NELL2: variants seen among roughly 807,000 people sequenced by gnomAD.
The protein encoded by NELL2 is protein kinase C-binding protein NELL2.
Under a neutral mutation model 109.6 loss-of-function variants are expected in NELL2, and 41 were observed. That is an observed-to-expected ratio of 0.37 (90% CI 0.29 to 0.49). The LOEUF (loss-of-function observed/expected upper bound fraction) is 0.49, where lower values mean the gene tolerates loss of function less well. NELL2 is among the 20% of genes least tolerant of loss of function. The probability of loss-of-function intolerance (pLI) is 0.98; values close to 1 mark genes in which losing one functional copy is unlikely to be tolerated. For synonymous variants in NELL2, 355 were observed against 344.7 expected (o/e 1.03, Z -0.33); for missense variants, 900 against 1,008.3 (o/e 0.89, Z 1.45).
At chr12:44,518,535 G>A (rs1036221285) in intron 19 of NELL2, among the ~76,000 whole-genome samples, 2 of 152,134 alleles carry the variant, frequency 1.3e-5, no homozygotes, top group African/African-American at 4.8e-5. Flanking sequence ...GTGAGCCACC[G>A]TGCCCGGCCT....
At chr12:44,528,067 C>T (rs1251303109) in intron 16 of NELL2, among the ~76,000 whole-genome samples, 47 of 126,628 alleles carry the variant, frequency 3.7e-4, no homozygotes, top group Non-Finnish European at 6.9e-4. Context: ...CACTGCACTC[C>T]AGCCTGGGCG....
chr12:44,745,108 A>G (rs1940253211), intron 9 of NELL2, among the ~76,000 whole-genome samples: 1 of 152,222 alleles, frequency 6.6e-6, no homozygotes, highest in African/African-American at 2.4e-5. Flanking sequence ...ATCCACCATA[A>G]TCGAGTGGGC....
chr12:44,861,741 C>A (rs1448163128), intron 2 of NELL2, among the ~76,000 whole-genome samples: 1 of 152,228 alleles, frequency 6.6e-6, no homozygotes. Context: ...ATCAGTGAGT[C>A]CAGGCAACAG....
intron 15 of NELL2, among the ~76,000 whole-genome samples, chr12:44,595,333 T>C (rs1944914038): frequency 6.6e-6 from 1 of 152,190 alleles, no homozygotes; most frequent in Admixed American, 6.5e-5. Context: ...TTTTAAAAGC[T>C]GCTAAGGCAA....
intron 13 of NELL2, among the ~76,000 whole-genome samples, chr12:44,616,483 A>G (rs899636110): frequency 3.3e-5 from 5 of 152,292 alleles, no homozygotes; most frequent in African/African-American, 1.2e-4. Flanking sequence ...AGTCGTAACT[A>G]TCATTTGATT....
intron 12 of NELL2, among the ~76,000 whole-genome samples, chr12:44,695,764 T>A (rs1949044354): frequency 6.6e-6 from 1 of 151,992 alleles, no homozygotes; most frequent in Non-Finnish European, 1.5e-5. Context: ...ATCATATATA[T>A]GACCAGCCTA....
chr12:44,680,271 T>A (rs1948453915), intron 12 of NELL2, among the ~76,000 whole-genome samples: 2 of 152,132 alleles, frequency 1.3e-5, no homozygotes, highest in Non-Finnish European at 2.9e-5. Flanking sequence ...CTGGATTGCA[T>A]TGTTAGTTTT....
chr12:44,681,280 T>A (rs961329730), intron 12 of NELL2, among the ~76,000 whole-genome samples: 4 of 130,796 alleles, frequency 3.1e-5, no homozygotes, highest in Non-Finnish European at 6.0e-5. Flanking sequence ...ACTAGTTTTG[T>A]TTTTTTTTTA....
At chr12:44,777,505 C>T (rs1267711489) in intron 5 of NELL2, among the ~76,000 whole-genome samples, 191 bp from the exon 6 acceptor site, 1 of 152,132 alleles carries the variant, frequency 6.6e-6, no homozygotes, top group Non-Finnish European at 1.5e-5. Flanking sequence ...TAGATGATTA[C>T]CCATGTATTC....
Position 44,687,996 on chromosome 12 carries a change from T to C in NELL2, c.1318+15730A>G, listed in dbSNP as rs186391859. Reference sequence around the variant, plus strand: ...GAATTGCTTAATTCTAAGCAATTTCTCTCTAATATTAATAAACAACTTCAT... The same window carrying C: ...GAATTGCTTAATTCTAAGCAATTTCCCTCTAATATTAATAAACAACTTCAT... On this transcript the variant is annotated intron_variant, in intron 12 of 19. Transcript: ENST00000429094. Among the ~76,000 whole-genome samples, 236 of 152,310 alleles carry C rather than the reference T, an allele frequency of 1.5e-3. 3 individuals carry two copies. Among genetic ancestry groups the C allele is most frequent in the African/African-American group, 5.2e-3 (216 of 41,568 alleles).
At chr12:44,587,832 A>C (rs1206175805) in intron 15 of NELL2, among the ~76,000 whole-genome samples, 1 of 152,112 alleles carries the variant, frequency 6.6e-6, no homozygotes, top group Admixed American at 6.5e-5. Flanking sequence ...AATTAGCAAA[A>C]TTTTTGGATT....
chr12:44,576,303 T>C (rs1944081275), intron 15 of NELL2, among the ~76,000 whole-genome samples: 2 of 152,328 alleles, frequency 1.3e-5, no homozygotes, highest in African/African-American at 4.8e-5. Context: ...TATCTGCAAA[T>C]TATCAGTGGG....
At chr12:44,702,024 C>T (rs1259705374) in intron 12 of NELL2, among the ~76,000 whole-genome samples, 2 of 152,082 alleles carry the variant, frequency 1.3e-5, no homozygotes, top group Non-Finnish European at 2.9e-5. Context: ...CACTTAGAGC[C>T]TTTCCACTTT....
chr12:44,909,778 C>T (rs910380782), intron 1 of NELL2, among the ~76,000 whole-genome samples: 13 of 146,288 alleles, frequency 8.9e-5, no homozygotes, highest in Non-Finnish European at 1.5e-4. Flanking sequence ...CATATATATA[C>T]ACACACACAG....
intron 3 of NELL2, among the ~76,000 whole-genome samples, chr12:44,813,302 G>A (rs1943238898): frequency 6.6e-6 from 1 of 152,126 alleles, no homozygotes; most frequent in East Asian, 1.9e-4. Context: ...CTCAGCAAAT[G>A]AAAGTGCCTT....
chr12:44,721,316 C>T (rs139316901), intron 9 of NELL2, among the ~76,000 whole-genome samples: 1,966 of 152,160 alleles, frequency 0.013, 36 homozygotes, highest in African/African-American at 0.04. Context: ...TCATTTAGTC[C>T]TCTGACAATA....
At chr12:44,848,664 TAA>T (rs1329343277) in intron 2 of NELL2, among the ~76,000 whole-genome samples, 1 of 151,988 alleles carries the variant, frequency 6.6e-6, no homozygotes, top group Non-Finnish European at 1.5e-5. Context: ...CATCACTTTA[TAA>T]AAGAGAGAGA....
intron 15 of NELL2, among the ~76,000 whole-genome samples, chr12:44,590,786 G>A (rs1402494519): frequency 8.6e-5 from 13 of 151,844 alleles, no homozygotes; most frequent in Non-Finnish European, 1.2e-4. Context: ...AGATCAAACC[G>A]AAAAGCTTCT....
rs116808819 is a variant in NELL2, at chr12:44,526,590, G to A, written c.1805-3106C>T. On this transcript the variant is annotated intron_variant, in intron 16 of 19. Transcript: ENST00000429094. ...TGCTATACACTGCAGCAATGGGGACGCATAGAAAGAGACAACAGAGAGAAT... is the reference window on the plus strand; with the variant it reads ...TGCTATACACTGCAGCAATGGGGACACATAGAAAGAGACAACAGAGAGAAT... Among the ~76,000 whole-genome samples, 377 of 152,294 alleles carry A rather than the reference G, an allele frequency of 2.5e-3. 2 individuals carry two copies. Among genetic ancestry groups the A allele is most frequent in the African/African-American group, 7.5e-3 (311 of 41,554 alleles).
Sources: allele counts gnomAD v4.1 joint callset (sites outside exome capture counted in the v4.1 genomes callset), GRCh38; gene constraint gnomAD v4.1.1; transcripts MANE v1.5; gene names NCBI Gene and HGNC (gene_info 2026-07-23, HGNC 2026-07-21).